NALF1: variants seen among roughly 807,000 people sequenced by gnomAD.
The protein encoded by NALF1 is family with sequence similarity 155 member A.
A neutral mutation model predicts 48.4 loss-of-function variants in NALF1; 3 were observed. The observed-to-expected ratio is 0.06, with a 90% CI of 0.03 to 0.16. NALF1 has a LOEUF of 0.16. NALF1 is among the 10% of genes least tolerant of loss of function. The pLI is 1.00. For missense variants in NALF1, 526 were observed against 571.5 expected (o/e 0.92, Z 0.81); for synonymous variants, 262 against 245.7 (o/e 1.07, Z -0.62).
In NALF1 at chr13:107,167,698, T is replaced by G. The variant is rs1311923955; in HGVS notation, c.*2799A>C. 6.6e-6 allele frequency: 1 copy of G among 152,008 alleles called. No homozygotes were observed. The highest frequency in any genetic ancestry group is 1.9e-4 in the East Asian group (1 of 5,140). 9.4% of individuals were successfully genotyped at this position (152,008 alleles called of 1,614,324 possible). A position where few individuals can be genotyped will look rare whatever the true frequency, so the allele number is the denominator to read the frequency against. On this transcript the variant is annotated 3_prime_UTR_variant, in exon 3 of 3. Transcript: ENST00000375915. ...CTTACCGTTCCTTCCTCACCTAAAT[T>G]ATCACTTTATATTTACAATGAAGAC...
chr13:107,641,179 C>A (rs1287558689), intron 1 of NALF1, among the ~76,000 whole-genome samples: 1 of 151,984 alleles, frequency 6.6e-6, no homozygotes, highest in Non-Finnish European at 1.5e-5. Flanking sequence ...TCTCATGTTC[C>A]CACTCATATG....
At chr13:107,498,090 G>A (rs1267386033) in intron 1 of NALF1, among the ~76,000 whole-genome samples, 2 of 152,106 alleles carry the variant, frequency 1.3e-5, no homozygotes, top group Non-Finnish European at 2.9e-5. Context: ...ATGAAATATT[G>A]ATTATCTAAT....
intron 1 of NALF1, among the ~76,000 whole-genome samples, chr13:107,813,880 C>T (rs1418726402): frequency 6.6e-6 from 1 of 151,862 alleles, no homozygotes; most frequent in Non-Finnish European, 1.5e-5. Context: ...AATTAAATTG[C>T]TGTTGTTATT....
At chr13:107,352,806 A>G (rs1317829454) in intron 1 of NALF1, among the ~76,000 whole-genome samples, 1 of 152,170 alleles carries the variant, frequency 6.6e-6, no homozygotes, top group Admixed American at 6.5e-5. Flanking sequence ...CCCAAATACA[A>G]GAAGAGACCT....
At chr13:107,821,444 G>A (rs961920573) in intron 1 of NALF1, among the ~76,000 whole-genome samples, 1 of 152,196 alleles carries the variant, frequency 6.6e-6, no homozygotes, top group Non-Finnish European at 1.5e-5. Context: ...GCCATGTCGA[G>A]ATTACGCGCC....
chr13:107,607,575 G>A (rs1263502728), intron 1 of NALF1, among the ~76,000 whole-genome samples: 1 of 152,124 alleles, frequency 6.6e-6, no homozygotes, highest in African/African-American at 2.4e-5. Context: ...ACTAAACAGA[G>A]GGTTATTATT....
intron 1 of NALF1, among the ~76,000 whole-genome samples, chr13:107,469,332 C>T (rs1323797429): frequency 6.6e-6 from 1 of 152,014 alleles, no homozygotes; most frequent in Non-Finnish European, 1.5e-5. Flanking sequence ...ATAGACGATG[C>T]CTCAAGTTTT....
At chr13:107,240,468 T>TA (rs1880444221) in intron 1 of NALF1, among the ~76,000 whole-genome samples, 2 of 152,200 alleles carry the variant, frequency 1.3e-5, no homozygotes, top group Non-Finnish European at 2.9e-5. Context: ...GGACTTTTGT[T>TA]AGATTTAAAG....
intron 1 of NALF1, among the ~76,000 whole-genome samples, chr13:107,582,105 T>A (rs1878328460): frequency 6.6e-6 from 1 of 150,696 alleles, no homozygotes; most frequent in Non-Finnish European, 1.5e-5. Context: ...TTATCTACAC[T>A]ATATATAAAA....
chr13:107,268,697 A>G (rs1484588974), intron 1 of NALF1, among the ~76,000 whole-genome samples: 2 of 152,208 alleles, frequency 1.3e-5, no homozygotes, highest in Admixed American at 6.5e-5. Context: ...TTAAAAAGTC[A>G]TATTTAAGCT....
At chr13:107,679,535 G>C (rs1881221677) in intron 1 of NALF1, among the ~76,000 whole-genome samples, 1 of 152,206 alleles carries the variant, frequency 6.6e-6, no homozygotes. Flanking sequence ...ATTATAAAAT[G>C]TAACTCCAAT....
chr13:107,303,882 CTA>C (rs1881885516), intron 1 of NALF1, among the ~76,000 whole-genome samples: 1 of 151,940 alleles, frequency 6.6e-6, no homozygotes, highest in East Asian at 1.9e-4. Context: ...TTTTTAGTAA[CTA>C]TGTCTGAAAG....
intron 1 of NALF1, among the ~76,000 whole-genome samples, chr13:107,378,252 A>G (rs1227828039): frequency 6.6e-6 from 1 of 152,184 alleles, no homozygotes; most frequent in African/African-American, 2.4e-5. Context: ...TATGAATAGT[A>G]TATTTCCCTG....
At chr13:107,245,567 T>C (rs1880564886) in intron 1 of NALF1, among the ~76,000 whole-genome samples, 1 of 152,228 alleles carries the variant, frequency 6.6e-6, no homozygotes, top group African/African-American at 2.4e-5. Flanking sequence ...ATTTTATACA[T>C]TGATAGCTTA....
At chr13:107,192,126 AC>A (rs1167595029) in intron 2 of NALF1, among the ~76,000 whole-genome samples, 1 of 152,162 alleles carries the variant, frequency 6.6e-6, no homozygotes, top group Non-Finnish European at 1.5e-5. Flanking sequence ...AATAAGAAGG[AC>A]CATGTAAAAA....
At chr13:107,217,368 T>C (rs1163809500) in intron 1 of NALF1, among the ~76,000 whole-genome samples, 1 of 152,206 alleles carries the variant, frequency 6.6e-6, no homozygotes, top group East Asian at 1.9e-4. Context: ...TTGTTTGCTG[T>C]TGCTGTTGTT....
chr13:107,683,501 C>G (rs1047875911), intron 1 of NALF1, among the ~76,000 whole-genome samples: 1 of 152,160 alleles, frequency 6.6e-6, no homozygotes, highest in African/African-American at 2.4e-5. Context: ...TGTAAAGATG[C>G]GCTTCCAAAC....
At chr13:107,259,017 G>A (rs1018529776) in intron 1 of NALF1, among the ~76,000 whole-genome samples, 2 of 152,002 alleles carry the variant, frequency 1.3e-5, no homozygotes, top group African/African-American at 4.8e-5. Context: ...CCATGTATAT[G>A]ACTCATTGAT....
chr13:107,439,890 A>G (rs1884528108), intron 1 of NALF1, among the ~76,000 whole-genome samples: 1 of 152,168 alleles, frequency 6.6e-6, no homozygotes, highest in African/African-American at 2.4e-5. Context: ...CAGAAAGCAA[A>G]ATATCTCACC....
Sources: allele counts gnomAD v4.1 joint callset (sites outside exome capture counted in the v4.1 genomes callset), GRCh38; gene constraint gnomAD v4.1.1; transcripts MANE v1.5; gene names NCBI Gene and HGNC (gene_info 2026-07-23, HGNC 2026-07-21).